KCNT1: variants seen among roughly 807,000 people sequenced by gnomAD.
KCNT1 encodes potassium channel subfamily T member 1.
KCNT1 carries 78 observed loss-of-function variants against 147.8 expected under a neutral mutation model. The observed-to-expected ratio is 0.53, with a 90% CI of 0.44 to 0.64. KCNT1 has a LOEUF of 0.64. Ranked by LOEUF, KCNT1 falls within the 30% of genes least tolerant of loss-of-function variation. The pLI is 0.00. For missense variants in KCNT1, 1,419 were observed against 1,750.3 expected (o/e 0.81, Z 3.38); for synonymous variants, 867 against 748.8 (o/e 1.16, Z -2.58).
intron 24 of KCNT1, among the ~76,000 whole-genome samples, chr9:135,782,067 C>T (rs1484139891): frequency 1.3e-5 from 2 of 152,092 alleles, no homozygotes; most frequent in African/African-American, 2.4e-5. Context: ...AAAAATTAGC[C>T]GGGCGTGGTG....
At chr9:135,779,334 G>T (rs200715533) in intron 23 of KCNT1, 25 bp from the exon 24 acceptor site, 3 of 1,453,200 alleles carry the variant, frequency 2.1e-6, no homozygotes, top group East Asian at 2.5e-5. Flanking sequence ...CATGGGCCCC[G>T]CCCTGAGCCG....
chr9:135,756,961 C>CA, intron 7 of KCNT1, 29 bp downstream of exon 7: 1 of 1,592,256 alleles, frequency 6.3e-7, no homozygotes, highest in Non-Finnish European at 8.6e-7. Context: ...TGGCACCTCA[C>CA]AGGGGGTCCC....
chr9:135,770,477 C>T (rs769351660), intron 17 of KCNT1, 30 bp downstream of exon 17: 23 of 1,591,064 alleles, frequency 1.4e-5, no homozygotes, highest in Admixed American at 1.7e-5. Flanking sequence ...ACAGGGCTGG[C>T]GCTCCAGGGC....
Position 135,772,815 on chromosome 9 carries a change from G to C in KCNT1, c.2109G>C (p.Ser703=), listed in dbSNP as rs767200583. The C allele has an allele frequency of 2.0e-6, 3 of 1,514,572 alleles. No individual in the cohort carries two copies. Among genetic ancestry groups the C allele is most frequent in the Non-Finnish European group, 1.8e-6 (2 of 1,129,598 alleles). The allele number at this position is 1,514,572 out of a possible 1,614,324, so 93.8% of individuals were successfully genotyped here. A position where few individuals can be genotyped will look rare whatever the true frequency, so the allele number is the denominator to read the frequency against. ...TGGCACTGCCCACGGAGAACGGCTC[G>C]GGCAGCCGGCGGCCCAGCATCGCGC... The part of the protein sequence containing the change: ...SKLALPTENG[S]GSRRPSIAPV... Residue 703 remains serine, a synonymous_variant, in exon 19 of 31, where the codon TCG becomes TCC. Coordinates refer to ENST00000371757, the MANE Select transcript of KCNT1 (RefSeq NM_020822.3).
At chr9:135,775,161 G>C in intron 19 of KCNT1, 149 bp from the exon 20 acceptor site, 1 of 554,362 alleles carries the variant, frequency 1.8e-6, no homozygotes, top group Non-Finnish European at 3.2e-6. Flanking sequence ...AGGGAAGAAC[G>C]GGCCACCTTG....
intron 2 of KCNT1, among the ~76,000 whole-genome samples, chr9:135,728,608 G>A (rs937487590): frequency 2.0e-5 from 3 of 152,236 alleles, no homozygotes; most frequent in Non-Finnish European, 2.9e-5. Flanking sequence ...CCATGCCCAC[G>A]GAGGGGCAGA....
At chr9:135,775,096 G>A (rs1274715505) in intron 19 of KCNT1, among the ~76,000 whole-genome samples, 2 of 152,214 alleles carry the variant, frequency 1.3e-5, no homozygotes, top group Non-Finnish European at 2.9e-5. Flanking sequence ...CAGGCCCTAT[G>A]ACACGGTGAC....
rs897606936 is a variant in KCNT1 at position 135,788,259 on chromosome 9, G to A, written c.3502+1738G>A. 3.8e-6 allele frequency: 4 copies of A among 1,055,996 alleles called. No individual in the cohort carries two copies. The East Asian group carries it at 9.6e-5, about 25-fold the overall frequency. The allele number at this position is 1,055,996 out of a possible 1,614,324, so 65.4% of individuals were successfully genotyped here. On this transcript the variant is annotated intron_variant, in intron 29 of 30. Coordinates refer to ENST00000371757, the MANE Select transcript of KCNT1 (RefSeq NM_020822.3). ...CTGCGCCATCCCGGCCAGGCAGGTG[G>A]ACAGGAGCTGTGAGAGCACGTCCCA...
intron 2 of KCNT1, among the ~76,000 whole-genome samples, chr9:135,735,278 G>A (rs145752430): frequency 1.6e-4 from 25 of 152,328 alleles, no homozygotes; most frequent in African/African-American, 4.3e-4. Context: ...TATCGGGAGC[G>A]CCAGTGAGTT....
intron 21 of KCNT1, among the ~76,000 whole-genome samples, chr9:135,778,057 T>C (rs1162350616): frequency 6.6e-6 from 1 of 152,010 alleles, no homozygotes; most frequent in Non-Finnish European, 1.5e-5. Context: ...TCCTCCCTTG[T>C]CACTCCTTCT....
intron 16 of KCNT1, 70 bp downstream of exon 16, chr9:135,770,125 G>A: frequency 6.9e-7 from 1 of 1,443,424 alleles, no homozygotes; most frequent in South Asian, 1.3e-5. Flanking sequence ...CGCAGGGCCT[G>A]CTTGGGGGCG....
intron 4 of KCNT1, chr9:135,753,650 C>T (rs1831316729): frequency 1.9e-6 from 1 of 533,912 alleles, no homozygotes; most frequent in Admixed American, 3.2e-5. Flanking sequence ...TGGGGCTACC[C>T]CCAATCCCGC....
intron 2 of KCNT1, among the ~76,000 whole-genome samples, chr9:135,747,742 C>T (rs1381772026): frequency 1.3e-5 from 2 of 152,030 alleles, no homozygotes; most frequent in Non-Finnish European, 2.9e-5. Flanking sequence ...CAGACTGACC[C>T]CCCATTAGCA....
intron 24 of KCNT1, among the ~76,000 whole-genome samples, chr9:135,781,370 C>T (rs549000381): frequency 6.6e-6 from 1 of 152,148 alleles, no homozygotes; most frequent in African/African-American, 2.4e-5. Flanking sequence ...CCGTGGACCA[C>T]CTGACCCATC....
intron 2 of KCNT1, among the ~76,000 whole-genome samples, chr9:135,728,425 CT>C (rs1343500007): frequency 6.6e-6 from 1 of 152,240 alleles, no homozygotes; most frequent in African/African-American, 2.4e-5. Context: ...CCGCAGGCCC[CT>C]CCTTGGGAAG....
intron 1 of KCNT1, 67 bp downstream of exon 1, chr9:135,702,435 C>T (rs775133825): frequency 7.7e-6 from 10 of 1,298,776 alleles, no homozygotes; most frequent in Admixed American, 3.4e-5. Context: ...CAAGTTCCCC[C>T]TCAGGCTCCC....
chr9:135,715,149 A>G (rs951582780), intron 2 of KCNT1, among the ~76,000 whole-genome samples: 6 of 152,198 alleles, frequency 3.9e-5, no homozygotes, highest in Non-Finnish European at 5.9e-5. Context: ...TAATTATTCA[A>G]TGAGGGAGCT....
At chr9:135,760,831 C>G (rs1054462195) in intron 11 of KCNT1, among the ~76,000 whole-genome samples, 9 of 152,234 alleles carry the variant, frequency 5.9e-5, no homozygotes, top group Admixed American at 2.6e-4. Flanking sequence ...GGTTGTCGGC[C>G]ACTCCACCGT....
At chr9:135,745,125 T>C (rs1367879162) in intron 2 of KCNT1, among the ~76,000 whole-genome samples, 1 of 152,188 alleles carries the variant, frequency 6.6e-6, no homozygotes, top group African/African-American at 2.4e-5. Flanking sequence ...CCATGAGCGC[T>C]CACTTGCTGT....
Sources: allele counts gnomAD v4.1 joint callset (sites outside exome capture counted in the v4.1 genomes callset), GRCh38; gene constraint gnomAD v4.1.1; transcripts MANE v1.5; gene names NCBI Gene and HGNC (gene_info 2026-07-23, HGNC 2026-07-21).